Variants in STRIP1 observed in about 807,000 individuals in gnomAD.
The protein encoded by STRIP1 is striatin interacting protein 1.
STRIP1 carries 63 observed loss-of-function variants against 106.2 expected under a neutral mutation model. The observed-to-expected ratio is 0.59, with a 90% CI of 0.48 to 0.73. STRIP1 has a LOEUF of 0.73. Ranked by LOEUF, STRIP1 falls within the 30% of genes least tolerant of loss-of-function variation. STRIP1 has a pLI of 0.00. For missense variants in STRIP1, 857 were observed against 1,074.8 expected (o/e 0.80, Z 2.83); for synonymous variants, 390 against 413.0 (o/e 0.94, Z 0.67).
At position 110,049,099 on chromosome 1, in the gene STRIP1, A is replaced by C. The variant is rs1653167236; in HGVS notation, c.1662-13A>C. Reference sequence around the variant, plus strand: ...CGCATGCTGGTGGCTTACCCAGGCAATTATGTTTCCAGCACCACAGTGTTG... The same window carrying C: ...CGCATGCTGGTGGCTTACCCAGGCACTTATGTTTCCAGCACCACAGTGTTG... On this transcript the variant is annotated splice_polypyrimidine_tract_variant and intron_variant, in intron 15 of 20. Transcript: ENST00000369795. 2 of 1,614,134 alleles carry C rather than the reference A, an allele frequency of 1.2e-6. No individual in the cohort carries two copies. The highest frequency in any genetic ancestry group is 1.7e-6 in the Non-Finnish European group (2 of 1,179,994).
At chr1:110,046,439 G>A (rs1187270803) in intron 12 of STRIP1, among the ~76,000 whole-genome samples, 4 of 152,162 alleles carry the variant, frequency 2.6e-5, no homozygotes, top group Admixed American at 2.0e-4. Context: ...GGCGGAGGTG[G>A]CAGTGAGCCA....
chr1:110,047,780 C>A lies in STRIP1; in HGVS notation c.1572C>A (p.Leu524=). 1.3e-6 allele frequency: 2 copies of A among 1,568,114 alleles called. No individual in the cohort carries two copies. Among genetic ancestry groups the A allele is most frequent in the South Asian group, 1.2e-5 (1 of 85,396 alleles). ...LPSLPQYMIA[L]LKILLAAAPT... Reference sequence around the variant, plus strand: ...TGGTCTACTCTTCCCAGATTGCCCTCCTGAAGATCCTGTTGGCTGCAGCAC... The same window carrying A: ...TGGTCTACTCTTCCCAGATTGCCCTACTGAAGATCCTGTTGGCTGCAGCAC... The change falls in exon 15 of 21, where the codon CTC becomes CTA. Residue 524 remains leucine, a synonymous_variant. Coordinates refer to ENST00000369795, the MANE Select transcript of STRIP1 (RefSeq NM_033088.4).
Position 110,047,986 on chromosome 1 carries a change from A to G in STRIP1, c.1661+117A>G, listed in dbSNP as rs188583155. 3.4e-3 allele frequency: 2,847 copies of G among 841,620 alleles called. 5 individuals are homozygous for G. Among genetic ancestry groups the G allele is most frequent in the Non-Finnish European group, 4.7e-3 (2,508 of 536,014 alleles). The allele number at this position is 841,620 out of a possible 1,614,324, so 52.1% of individuals were successfully genotyped here. A position where few individuals can be genotyped will look rare whatever the true frequency, so the allele number is the denominator to read the frequency against. ...CCAGCTCTACAGGTTAAATGTAGGT[A>G]TTTTTGACCCAAAAAAAGGAAACTA... is the stretch of plus-strand genomic sequence containing the variant. On this transcript the variant is annotated intron_variant, in intron 15 of 20. Transcript: ENST00000369795.
chr1:110,039,025 A>T, intron 3 of STRIP1, 147 bp from the exon 4 acceptor site: 1 of 939,468 alleles, frequency 1.1e-6, no homozygotes, highest in Non-Finnish European at 1.6e-6. Context: ...TCAAATTCAT[A>T]GAGCAGCAGT....
intron 6 of STRIP1, 80 bp from the exon 7 acceptor site, chr1:110,041,456 G>C (rs1178265120): frequency 1.1e-6 from 1 of 947,590 alleles, no homozygotes; most frequent in East Asian, 2.4e-5. Context: ...CCCCTGCTTT[G>C]TGTAAGCACT....
chr1:110,033,626 A>G (rs2101759065), upstream of STRIP1, among the ~76,000 whole-genome samples: 1 of 152,260 alleles, frequency 6.6e-6, no homozygotes, highest in South Asian at 2.1e-4. Flanking sequence ...TCTTCTTATA[A>G]AGCCACCAGT....
Position 110,038,071 on chromosome 1 carries a change from AATATATATATATATATATATATATAT to A in STRIP1, c.250+128_250+153del, listed in dbSNP as rs3085770. ...TTCATTGCTTTCCCTAGTTCTATCA[AATATATATATATATATATATATATAT>A]ATATATATATATATATGTATAAAAC... On this transcript the variant is annotated intron_variant, in intron 2 of 20. Coordinates refer to ENST00000369795, the MANE Select transcript of STRIP1 (RefSeq NM_033088.4). The A allele has an allele frequency of 1.5e-3, 200 of 130,372 alleles. 13 individuals are homozygous for A. In the South Asian group the frequency reaches 0.025, roughly 16 times the overall value. The allele number at this position is 130,372 out of a possible 1,614,324, so 8.1% of individuals were successfully genotyped here.
intron 9 of STRIP1, 43 bp downstream of exon 9, chr1:110,043,313 G>T: frequency 6.3e-7 from 1 of 1,586,488 alleles, no homozygotes. Flanking sequence ...GGGCCCTCAA[G>T]GTGCATGCTT....
chr1:110,050,185 T>A (rs1653226360), intron 17 of STRIP1, 158 bp from the exon 18 acceptor site: 1 of 650,512 alleles, frequency 1.5e-6, no homozygotes, highest in South Asian at 1.9e-5. Context: ...TTTCCTCATC[T>A]TATAGGTGGG....
At chr1:110,044,489 A>G (rs919098952) in intron 10 of STRIP1, among the ~76,000 whole-genome samples, 1 of 152,254 alleles carries the variant, frequency 6.6e-6, no homozygotes, top group South Asian at 2.1e-4. Context: ...ATGAAAAATC[A>G]GTAGCCTATA....
chr1:110,040,913 G>A (rs1454736369), intron 6 of STRIP1, among the ~76,000 whole-genome samples: 2 of 152,214 alleles, frequency 1.3e-5, no homozygotes, highest in Non-Finnish European at 1.5e-5. Flanking sequence ...AGGCAATCCA[G>A]GGTCAAGTGA....
chr1:110,040,410 GACCTCAGGTGATCC>G (rs1158193104), intron 5 of STRIP1, among the ~76,000 whole-genome samples: 1 of 152,188 alleles, frequency 6.6e-6, no homozygotes, highest in Non-Finnish European at 1.5e-5. Context: ...TCAAACTCTT[GACCTCAGGTGATCC>G]ACCCGCCTCG....
At chr1:110,034,619 G>C (rs1219912094), upstream of STRIP1, 5 of 1,503,046 alleles carry the variant, frequency 3.3e-6, no homozygotes, top group East Asian at 2.8e-5. Context: ...AGTTAAGCTG[G>C]GGGTGTGGAG....
intron 5 of STRIP1, 193 bp downstream of exon 5, chr1:110,039,708 G>A: frequency 1.0e-6 from 1 of 987,430 alleles, no homozygotes; most frequent in South Asian, 1.5e-5. Flanking sequence ...CTAATGACAG[G>A]TCCCTGCAGC....
In STRIP1 at chr1:110,050,407, T is replaced by A; in HGVS notation, c.1954T>A (p.Leu652Met). The A allele has an allele frequency of 6.2e-7, 1 of 1,614,144 alleles. No individual in the cohort carries two copies. Among genetic ancestry groups the A allele is most frequent in the Non-Finnish European group, 8.5e-7 (1 of 1,179,998 alleles). Reference sequence around the variant, plus strand: ...GCTGCCAGAGCTGACGGCGGAGAGTTTGGTGAGTGGCTGGGCTCTCCTCAG... The same window carrying A: ...GCTGCCAGAGCTGACGGCGGAGAGTATGGTGAGTGGCTGGGCTCTCCTCAG... ...HELPELTAES[L>M]EAGDSNQFCW... The change falls in exon 18 of 21, where the codon TTG becomes ATG. Residue 652 changes from leucine (L) to methionine (M), a missense_variant and splice_region_variant. Physicochemically the swap from Leu to Met is conservative, Grantham distance 15 (BLOSUM62 2). Transcript: ENST00000369795.
chr1:110,038,534 C>G, intron 2 of STRIP1, 149 bp from the exon 3 acceptor site: 1 of 626,058 alleles, frequency 1.6e-6, no homozygotes, highest in Non-Finnish European at 2.8e-6. Context: ...CTAAGATCCC[C>G]TTCATAATTA....
intron 1 of STRIP1, 113 bp downstream of exon 1, chr1:110,034,930 G>A: frequency 9.4e-7 from 1 of 1,059,346 alleles, no homozygotes; most frequent in Non-Finnish European, 1.3e-6. Context: ...GGTAGAGTCC[G>A]GCCGAGAACT....
chr1:110,043,608 C>G, intron 9 of STRIP1, 31 bp from the exon 10 acceptor site: 1 of 1,594,604 alleles, frequency 6.3e-7, no homozygotes, highest in South Asian at 1.1e-5. Context: ...CCTCAGTTGG[C>G]TCTTGTCTCA....
upstream of STRIP1, among the ~76,000 whole-genome samples, chr1:110,034,102 T>G (rs1465560482): frequency 3.9e-5 from 6 of 152,248 alleles, no homozygotes; most frequent in Admixed American, 3.9e-4. Flanking sequence ...TTTCAGCATT[T>G]ATTTCTCTAT....
Sources: gnomAD v4.1 joint callset for allele counts (sites outside exome capture counted in the v4.1 genomes callset) on GRCh38, gnomAD v4.1.1 for gene constraint, MANE v1.5 for transcripts, NCBI Gene and HGNC (gene_info 2026-07-23, HGNC 2026-07-21) for gene names.